Variants in CNKSR3 observed in about 807,000 individuals in gnomAD.
The protein encoded by CNKSR3 is connector enhancer of kinase suppressor of ras 3.
A neutral mutation model predicts 67.7 loss-of-function variants in CNKSR3; 36 were observed. That is an observed-to-expected ratio of 0.53 (90% CI 0.41 to 0.70). CNKSR3 has a LOEUF of 0.70. CNKSR3 is among the 30% of genes least tolerant of loss of function. CNKSR3 has a pLI of 0.00. For missense variants in CNKSR3, 630 were observed against 695.2 expected (o/e 0.91, Z 1.05); for synonymous variants, 281 against 271.4 (o/e 1.04, Z -0.35).
Position 154,422,497 on chromosome 6 carries a change from C to T in CNKSR3, c.945+9G>A. The T allele has an allele frequency of 6.2e-7, 1 of 1,612,496 alleles. No individual in the cohort carries two copies. Among genetic ancestry groups the T allele is most frequent in the South Asian group, 1.1e-5 (1 of 90,964 alleles). Reference sequence around the variant, plus strand: ...TGTTGGATGGAGGTTTACAGTTAATCCCAGATACCTGTACAAGAGGTGGCT... The same window carrying T: ...TGTTGGATGGAGGTTTACAGTTAATTCCAGATACCTGTACAAGAGGTGGCT... On this transcript the variant is annotated intron_variant, in intron 9 of 12. Coordinates refer to ENST00000607772, the MANE Select transcript of CNKSR3 (RefSeq NM_173515.4).
At chr6:154,471,008 T>C (rs997762267) in intron 1 of CNKSR3, among the ~76,000 whole-genome samples, 1 of 151,488 alleles carries the variant, frequency 6.6e-6, no homozygotes, top group African/African-American at 2.4e-5. Flanking sequence ...TATTGTGTTA[T>C]CAGATTTTAA....
At chr6:154,484,695 C>CAAAA (rs1166789172) in intron 1 of CNKSR3, among the ~76,000 whole-genome samples, 1,061 of 65,462 alleles carry the variant, frequency 0.016, 32 homozygotes, top group African/African-American at 0.046. Flanking sequence ...GAGCAAGACT[C>CAAAA]AAAAAAAAAA....
chr6:154,457,241 G>A (rs1785978769), intron 1 of CNKSR3, among the ~76,000 whole-genome samples: 1 of 152,166 alleles, frequency 6.6e-6, no homozygotes, highest in South Asian at 2.1e-4. Flanking sequence ...AAGCCAGAAA[G>A]GTGGTCTACT....
At chr6:154,505,561 G>A (rs1486612427) in intron 1 of CNKSR3, among the ~76,000 whole-genome samples, 5 of 149,038 alleles carry the variant, frequency 3.4e-5, no homozygotes, top group South Asian at 4.2e-4. Flanking sequence ...GCAGTGGCAC[G>A]ATCTCGGCTC....
Position 154,448,364 on chromosome 6 carries a change from A to G in CNKSR3, c.216+1731T>C, listed in dbSNP as rs571508144. Among the ~76,000 whole-genome samples, 41 of 150,798 alleles carry G rather than the reference A, an allele frequency of 2.7e-4. 1 individual carries two copies. The highest frequency in any genetic ancestry group is 4.4e-4 in the Non-Finnish European group (30 of 67,862). On this transcript the variant is annotated intron_variant, in intron 2 of 12. Transcript: ENST00000607772. ...AAGTGAAAGAGACAATTTGCAAAAC[A>G]TCAAGCAGAAAAGACGGAAAAGCCA...
In CNKSR3 at chr6:154,441,315, C is replaced by A. The variant is rs902871656; in HGVS notation, c.484G>T (p.Asp162Tyr). 2.5e-6 allele frequency: 4 copies of A among 1,611,544 alleles called. No individual in the cohort carries two copies. In the African/African-American group the frequency reaches 4.0e-5, roughly 16 times the overall value. ...ACCTTCTGGACTGTAGTGGTCAGGTCCAAGCAAAGCTGGATAATTTTGTTC... is the reference window on the plus strand; with the variant it reads ...ACCTTCTGGACTGTAGTGGTCAGGTACAAGCAAAGCTGGATAATTTTGTTC... The part of the protein sequence containing the change: ...TKNKIIQLCL[D>Y]LTTTVQKDCF... The change falls in exon 4 of 13, where the codon GAC (aspartate) becomes TAC (tyrosine). Residue 162 changes from aspartate to tyrosine, a missense_variant. Asp to Tyr is a radical substitution (Grantham distance 160). Around this residue, in one of 3 missense-constraint regions of CNKSR3, gnomAD observed 189 missense variants for 205.0 expected, o/e 0.92. Coordinates refer to ENST00000607772, the MANE Select transcript of CNKSR3 (RefSeq NM_173515.4).
chr6:154,455,924 T>C (rs1785943647), intron 1 of CNKSR3, among the ~76,000 whole-genome samples: 1 of 152,140 alleles, frequency 6.6e-6, no homozygotes, highest in Non-Finnish European at 1.5e-5. Context: ...TTTTTATTAA[T>C]TAATTAATCT....
chr6:154,503,715 T>C (rs1248437407), intron 1 of CNKSR3, among the ~76,000 whole-genome samples: 1 of 152,114 alleles, frequency 6.6e-6, no homozygotes, highest in Non-Finnish European at 1.5e-5. Context: ...GTCTCACTTA[T>C]TTTGCTAAGA....
chr6:154,439,154 C>T (rs1785531635), intron 4 of CNKSR3, among the ~76,000 whole-genome samples: 1 of 152,102 alleles, frequency 6.6e-6, no homozygotes, highest in Non-Finnish European at 1.5e-5. Context: ...GTGCGCCTTC[C>T]CTCCCTAGCA....
At chr6:154,492,481 C>A (rs1222583169) in intron 1 of CNKSR3, among the ~76,000 whole-genome samples, 1 of 152,130 alleles carries the variant, frequency 6.6e-6, no homozygotes, top group East Asian at 1.9e-4. Context: ...AAATTAAAAG[C>A]CAGATCTTCC....
At chr6:154,450,688 G>T (rs768522769) in intron 1 of CNKSR3, among the ~76,000 whole-genome samples, 1 of 152,120 alleles carries the variant, frequency 6.6e-6, no homozygotes, top group Admixed American at 6.5e-5. Flanking sequence ...CAGGTCTCCC[G>T]TAGTGCTCTA....
chr6:154,424,912 T>C (rs1785225205), intron 7 of CNKSR3, among the ~76,000 whole-genome samples: 1 of 152,116 alleles, frequency 6.6e-6, no homozygotes, highest in Non-Finnish European at 1.5e-5. Flanking sequence ...GTTGGGATTA[T>C]AGGCACCCAC....
chr6:154,489,074 TC>T (rs773299224), intron 1 of CNKSR3, among the ~76,000 whole-genome samples: 4 of 152,046 alleles, frequency 2.6e-5, no homozygotes, highest in Non-Finnish European at 4.4e-5. Flanking sequence ...CCTAATCAAT[TC>T]CCATTCATTT....
At chr6:154,507,721 G>T (rs1195271394) in intron 1 of CNKSR3, among the ~76,000 whole-genome samples, 1 of 152,116 alleles carries the variant, frequency 6.6e-6, no homozygotes, top group Non-Finnish European at 1.5e-5. Context: ...ACGTAGTCAA[G>T]TGCCAACCAC....
rs1562313683 is a variant in CNKSR3 at position 154,398,950 on chromosome 6, A to T, written c.*7404T>A. 6.6e-6 allele frequency: 1 copy of T among 152,224 alleles called. No individual in the cohort carries two copies. Among genetic ancestry groups the T allele is most frequent in the Non-Finnish European group, 1.5e-5 (1 of 68,112 alleles). The allele number at this position is 152,224 out of a possible 1,614,324, so 9.4% of individuals were successfully genotyped here. A position where few individuals can be genotyped will look rare whatever the true frequency, so the allele number is the denominator to read the frequency against. On this transcript the variant is annotated 3_prime_UTR_variant, in exon 13 of 13. Transcript: ENST00000607772. ...CAAAATTAGCCGGGTGTGGTGGCAC[A>T]TGCCTGTAATCCCAGCTACTTGGGA...
chr6:154,455,619 A>G (rs1785936779), intron 1 of CNKSR3, among the ~76,000 whole-genome samples: 1 of 151,892 alleles, frequency 6.6e-6, no homozygotes, highest in Non-Finnish European at 1.5e-5. Flanking sequence ...ACAGGGTTTC[A>G]CCATGTTGGC....
rs1784715714 is a variant in CNKSR3 at position 154,401,338 on chromosome 6, G to A, written c.*5016C>T. 6.6e-6 allele frequency: 1 copy of A among 152,214 alleles called. No individual in the cohort carries two copies. Among genetic ancestry groups the A allele is most frequent in the South Asian group, 2.1e-4 (1 of 4,828 alleles). 9.4% of individuals were successfully genotyped at this position (152,214 alleles called of 1,614,324 possible). ...CGCCCTCACAAGAAGGGAAAGGAGA[G>A]CTTGCTTGCTTCCTTTCTCTCTCTC... On this transcript the variant is annotated 3_prime_UTR_variant, in exon 13 of 13. Coordinates refer to ENST00000607772, the MANE Select transcript of CNKSR3 (RefSeq NM_173515.4).
At chr6:154,466,556 T>A (rs1786203629) in intron 1 of CNKSR3, among the ~76,000 whole-genome samples, 1 of 151,852 alleles carries the variant, frequency 6.6e-6, no homozygotes, top group African/African-American at 2.4e-5. Context: ...GATGGGGGGA[T>A]GTGGGGAGGG....
intron 9 of CNKSR3, among the ~76,000 whole-genome samples, chr6:154,415,616 A>C (rs1785009560): frequency 6.6e-6 from 1 of 152,206 alleles, no homozygotes. Context: ...CAAGGATAGC[A>C]CCAACATAGG....
Sources: allele counts gnomAD v4.1 joint callset (sites outside exome capture counted in the v4.1 genomes callset), GRCh38; gene constraint gnomAD v4.1.1; regional missense constraint gnomAD v4.1.1; transcripts MANE v1.5; gene names NCBI Gene and HGNC (gene_info 2026-07-23, HGNC 2026-07-21).